RAP1GAP: variants seen among roughly 807,000 people sequenced by gnomAD.
RAP1GAP encodes RAP1 GTPase activating protein.
A neutral mutation model predicts 87.2 loss-of-function variants in RAP1GAP; 35 were observed. The observed-to-expected ratio is 0.40, with a 90% CI of 0.31 to 0.53. RAP1GAP has a LOEUF of 0.53. RAP1GAP is among the 20% of genes least tolerant of loss of function. RAP1GAP has a pLI of 0.48. For synonymous variants in RAP1GAP, 375 were observed against 363.9 expected (o/e 1.03, Z -0.35); for missense variants, 734 against 898.9 (o/e 0.82, Z 2.35).
intron 17 of RAP1GAP, among the ~76,000 whole-genome samples, chr1:21,607,897 TCCAC>T (rs938481604): frequency 8.2e-6 from 1 of 121,474 alleles, no homozygotes; most frequent in Non-Finnish European, 1.7e-5. Context: ...GGCCCCTGAC[TCCAC>T]CCCCAGCCAC....
intron 21 of RAP1GAP, among the ~76,000 whole-genome samples, chr1:21,598,881 ACT>A (rs150834820): frequency 0.035 from 5,396 of 152,378 alleles, 140 homozygotes; most frequent in Middle Eastern, 0.082. Context: ...CTGGGTCTGC[ACT>A]GTTCCCAGCT....
At chr1:21,635,886 C>G (rs748224579) in intron 2 of RAP1GAP, among the ~76,000 whole-genome samples, 14 of 152,250 alleles carry the variant, frequency 9.2e-5, no homozygotes, top group Non-Finnish European at 1.9e-4. Context: ...CTCAGGCCGG[C>G]TCTCTCATCC....
At position 21,660,345 on chromosome 1, in the gene RAP1GAP, A is replaced by ATATATATATATATT; in HGVS notation, c.-149+8908_-149+8909insAATATATATATATA. 8.6e-5 allele frequency among the ~76,000 whole-genome samples: 8 copies of ATATATATATATATT among 92,636 alleles called. 1 individual carries two copies. Among genetic ancestry groups the ATATATATATATATT allele is most frequent in the Non-Finnish European group, 1.8e-4 (8 of 44,766 alleles). 60.8% of individuals were successfully genotyped at this position (92,636 alleles called of 152,430 possible). A position where few individuals can be genotyped will look rare whatever the true frequency, so the allele number is the denominator to read the frequency against. On this transcript the variant is annotated intron_variant, in intron 1 of 24. Coordinates refer to ENST00000374765, the MANE Select transcript of RAP1GAP (RefSeq NM_002885.4). ...AGAGTGGGTTCCAACTCAGCTATAT[A>ATATATATATATATT]TATTTATTGAGACAGTCTCGCTCTG...
intron 2 of RAP1GAP, among the ~76,000 whole-genome samples, chr1:21,637,472 G>A (rs1295782109): frequency 6.6e-6 from 1 of 151,918 alleles, no homozygotes; most frequent in Non-Finnish European, 1.5e-5. Context: ...GGAATTCTTT[G>A]CCTCTTGATG....
In RAP1GAP at chr1:21,634,057, CCGGGGG is replaced by C. The variant is rs1558794917; in HGVS notation, c.-112-7666_-112-7661del. Among the ~76,000 whole-genome samples, 2 of 17,054 alleles carry C rather than the reference CCGGGGG, an allele frequency of 1.2e-4. No homozygotes were observed. Among genetic ancestry groups the C allele is most frequent in the East Asian group, 8.9e-3 (1 of 112 alleles). 11.2% of individuals were successfully genotyped at this position (17,054 alleles called of 152,430 possible). A position where few individuals can be genotyped will look rare whatever the true frequency, so the allele number is the denominator to read the frequency against. On this transcript the variant is annotated intron_variant, in intron 2 of 24. Transcript: ENST00000374765. This position sits in a 1 kb window ranked among gnomAD's most constrained non-coding sequence, Gnocchi z 4.1. ...GTGGCTGCCCCAGAACTGCCCCCTC[CCGGGGG>C]GGGGGGGGGGCCACAGAAGCCCATT...
intron 1 of RAP1GAP, among the ~76,000 whole-genome samples, chr1:21,662,560 G>C (rs2097189634): frequency 1.3e-5 from 2 of 152,082 alleles, no homozygotes; most frequent in Admixed American, 1.3e-4. Context: ...CCAGGGATAG[G>C]CCATGGGGAG....
chr1:21,620,932 C>A (rs1417893840), intron 3 of RAP1GAP, among the ~76,000 whole-genome samples: 1 of 152,194 alleles, frequency 6.6e-6, no homozygotes, highest in African/African-American at 2.4e-5. Context: ...TATTTAAAGT[C>A]CCACTGCACC....
Position 21,601,817 on chromosome 1 carries a change from A to G in RAP1GAP, c.1539-20T>C, listed in dbSNP as rs539776687. 14 of 1,549,304 alleles carry G rather than the reference A, an allele frequency of 9.0e-6. No homozygotes were observed. The Admixed American group carries it at 1.8e-4, about 20-fold the overall frequency. ...CTCTCCCTGCGGGGCACACGGGGGC[A>G]GCGGGGGGATTCAGCACCAGGCCTG... On this transcript the variant is annotated intron_variant, in intron 19 of 24. Transcript: ENST00000374765.
chr1:21,601,431 A>G (rs1423470825), intron 20 of RAP1GAP, among the ~76,000 whole-genome samples: 2 of 152,170 alleles, frequency 1.3e-5, no homozygotes, highest in Non-Finnish European at 2.9e-5. Context: ...CCGCGTTCTG[A>G]TGGACCTGCG....
chr1:21,617,077 C>A (rs2082638797), intron 7 of RAP1GAP, among the ~76,000 whole-genome samples: 1 of 152,226 alleles, frequency 6.6e-6, no homozygotes. Flanking sequence ...CTGCCATGAA[C>A]CACCATGCCA....
intron 1 of RAP1GAP, among the ~76,000 whole-genome samples, chr1:21,657,313 A>G (rs1283264714): frequency 6.6e-6 from 1 of 152,232 alleles, no homozygotes; most frequent in African/African-American, 2.4e-5. Flanking sequence ...CTGCGTTAGT[A>G]CATGCATGTA....
chr1:21,659,168 G>C (rs891112915), intron 1 of RAP1GAP, among the ~76,000 whole-genome samples: 2 of 152,050 alleles, frequency 1.3e-5, no homozygotes, highest in Non-Finnish European at 1.5e-5. Context: ...GCCTCCCAAA[G>C]TGTTGGGATA....
At chr1:21,601,901 T>A in intron 19 of RAP1GAP, 104 bp from the exon 20 acceptor site, 1 of 745,436 alleles carries the variant, frequency 1.3e-6, no homozygotes, top group Non-Finnish European at 2.1e-6. Context: ...TCCTGCCTCA[T>A]ACCCACGCCC....
At chr1:21,610,928 T>C (rs1327303026) in intron 13 of RAP1GAP, among the ~76,000 whole-genome samples, 7 of 152,242 alleles carry the variant, frequency 4.6e-5, no homozygotes, top group African/African-American at 9.6e-5. Flanking sequence ...CAGATAGCCC[T>C]GTAGGAGGCT....
chr1:21,617,242 A>G lies in RAP1GAP; in HGVS notation c.291+64T>C. ...ATGGGTTCTGCTCCCTCCCAGGCCC[A>G]CCTCGAATGGGGCTGAACTGTGACC... On this transcript the variant is annotated intron_variant, in intron 7 of 24. Transcript: ENST00000374765. The G allele has an allele frequency of 5.3e-6, 8 of 1,518,410 alleles. No homozygotes were observed. In the South Asian group the frequency reaches 9.9e-5, roughly 19 times the overall value. 94.1% of individuals were successfully genotyped at this position (1,518,410 alleles called of 1,614,324 possible).
intron 2 of RAP1GAP, among the ~76,000 whole-genome samples, chr1:21,635,800 C>T (rs2094583736): frequency 6.6e-6 from 1 of 152,246 alleles, no homozygotes; most frequent in South Asian, 2.1e-4. Context: ...CCTAGCTCTG[C>T]CCCCAGATCA....
intron 21 of RAP1GAP, 51 bp from the exon 22 acceptor site, chr1:21,598,553 T>G: frequency 7.0e-7 from 1 of 1,437,962 alleles, no homozygotes; most frequent in Non-Finnish European, 9.8e-7. Context: ...CCCTTGGCAC[T>G]GGCTAGGGCT....
At chr1:21,651,354 A>C (rs775481554) in intron 1 of RAP1GAP, 2 of 485,940 alleles carry the variant, frequency 4.1e-6, no homozygotes, top group South Asian at 3.0e-5. Context: ...GGTCCAGCAG[A>C]ACCTCCCCCT....
intron 1 of RAP1GAP, chr1:21,651,665 G>T: frequency 9.1e-7 from 1 of 1,104,850 alleles, no homozygotes; most frequent in Non-Finnish European, 1.3e-6. Flanking sequence ...CCCCACAGCA[G>T]TCATAGCCCA....
Sources: gnomAD v4.1 joint callset for allele counts (sites outside exome capture counted in the v4.1 genomes callset) on GRCh38, gnomAD v4.1.1 for gene constraint, Gnocchi (gnomAD v3.1) non-coding constraint, MANE v1.5 for transcripts, NCBI Gene and HGNC (gene_info 2026-07-23, HGNC 2026-07-21) for gene names.